DGKH: variants seen among roughly 807,000 people sequenced by gnomAD.
The protein encoded by DGKH is diacylglycerol kinase eta.
A neutral mutation model predicts 159.3 loss-of-function variants in DGKH; 90 were observed. The ratio of observed to expected loss-of-function variants is 0.57; its 90% CI spans 0.48 to 0.67. The LOEUF (loss-of-function observed/expected upper bound fraction) is 0.67, where lower values mean the gene tolerates loss of function less well. Among genes scored for constraint, DGKH ranks in the 30% least tolerant of loss-of-function variants. The pLI, the probability that DGKH is intolerant of heterozygous loss-of-function variation, is 0.00. For missense variants in DGKH, 1,181 were observed against 1,506.1 expected (o/e 0.78, Z 3.57); for synonymous variants, 536 against 553.8 (o/e 0.97, Z 0.45).
At chr13:42,245,705 C>A (rs1958575817), downstream of DGKH, among the ~76,000 whole-genome samples, 2 of 152,146 alleles carry the variant, frequency 1.3e-5, no homozygotes, top group South Asian at 4.1e-4. Context: ...CCTGCCTCAG[C>A]CTCCCAAGTA....
At chr13:42,123,562 A>C (rs1955115231) in intron 1 of DGKH, among the ~76,000 whole-genome samples, 1 of 152,046 alleles carries the variant, frequency 6.6e-6, no homozygotes, top group African/African-American at 2.4e-5. Flanking sequence ...AAAGTCACAG[A>C]CTGGGAAGAA....
chr13:42,191,400 C>T (rs1223661940), intron 16 of DGKH, among the ~76,000 whole-genome samples: 1 of 152,142 alleles, frequency 6.6e-6, no homozygotes, highest in African/African-American at 2.4e-5. Flanking sequence ...GTCCTATGCT[C>T]TGTACCTTGT....
rs1389735290 is a variant in DGKH, at chr13:42,234,464, T to G, written c.*5276T>G. 1 of 152,192 alleles carries G rather than the reference T, an allele frequency of 6.6e-6. No homozygotes were observed. The highest frequency in any genetic ancestry group is 1.5e-5 in the Non-Finnish European group (1 of 68,038). 9.4% of individuals were successfully genotyped at this position (152,192 alleles called of 1,614,324 possible). A position where few individuals can be genotyped will look rare whatever the true frequency, so the allele number is the denominator to read the frequency against. ...TATGGATATGAATTCTTTAAGGATG[T>G]AGCCCTTAATTAAGCTGTAAAAACA... On this transcript the variant is annotated 3_prime_UTR_variant, in exon 30 of 30. Coordinates refer to ENST00000337343, the MANE Select transcript of DGKH (RefSeq NM_178009.5).
intron 7 of DGKH, among the ~76,000 whole-genome samples, chr13:42,163,827 A>G (rs1163597980): frequency 1.3e-4 from 20 of 151,686 alleles, no homozygotes; most frequent in Non-Finnish European, 1.9e-4. Context: ...GTTCACTCTG[A>G]TGGTAGTTTC....
intron 1 of DGKH, among the ~76,000 whole-genome samples, chr13:42,097,551 CAG>C (rs748181588): frequency 7.9e-5 from 12 of 152,184 alleles, no homozygotes; most frequent in Admixed American, 4.6e-4. Flanking sequence ...GTTGTAGCCC[CAG>C]ATGCCGGCAA....
intron 1 of DGKH, among the ~76,000 whole-genome samples, chr13:42,042,713 G>C (rs1199228972): frequency 2.0e-5 from 3 of 152,134 alleles, no homozygotes. Flanking sequence ...AGAATGTCTT[G>C]TTTCGTATAT....
chr13:42,059,055 C>T (rs575962570), intron 1 of DGKH, among the ~76,000 whole-genome samples: 3 of 152,190 alleles, frequency 2.0e-5, no homozygotes, highest in East Asian at 1.9e-4. Flanking sequence ...CCAAATTGGA[C>T]GTAGTATTCC....
chr13:42,069,789 A>G (rs1227498127), intron 1 of DGKH: 3 of 1,081,212 alleles, frequency 2.8e-6, no homozygotes, highest in Non-Finnish European at 4.0e-6. Context: ...CCAGATCACA[A>G]TATTTGTTTT....
chr13:42,070,502 C>T, intron 1 of DGKH: 1 of 1,294,846 alleles, frequency 7.7e-7, no homozygotes, highest in Middle Eastern at 1.9e-4. Flanking sequence ...ACATGGAGAT[C>T]TGTACCATTT....
chr13:42,199,020 T>C (rs894706532), intron 18 of DGKH, among the ~76,000 whole-genome samples: 1 of 152,250 alleles, frequency 6.6e-6, no homozygotes, highest in African/African-American at 2.4e-5. Flanking sequence ...TTTCAAGATA[T>C]ACTTTCTTTT....
At chr13:42,131,135 T>C (rs1418288636) in intron 3 of DGKH, among the ~76,000 whole-genome samples, 4 of 152,064 alleles carry the variant, frequency 2.6e-5, no homozygotes, top group Non-Finnish European at 4.4e-5. Context: ...GGCTGTACTG[T>C]GAATGCAAAG....
chr13:42,149,566 A>G (rs1333212268), intron 3 of DGKH, among the ~76,000 whole-genome samples: 23 of 152,200 alleles, frequency 1.5e-4, no homozygotes, highest in Non-Finnish European at 7.3e-5. Flanking sequence ...GAATGAACGG[A>G]TGGATTCAAA....
chr13:42,053,713 G>A (rs776646336), intron 1 of DGKH, among the ~76,000 whole-genome samples: 1 of 151,554 alleles, frequency 6.6e-6, no homozygotes, highest in Non-Finnish European at 1.5e-5. Context: ...CCGCCTCCTG[G>A]GTTCAAGCAA....
At position 42,251,138 on chromosome 13, in the gene DGKH, A is replaced by C. The variant is rs538973884; in HGVS notation, n.4055-1271A>C. Reference sequence around the variant, plus strand: ...GCACAAATAAAAATTAAAAGTTAAAAACCGAGATTAGTGAAAAATTTATTG... The same window carrying C: ...GCACAAATAAAAATTAAAAGTTAAACACCGAGATTAGTGAAAAATTTATTG... On this transcript the variant is annotated intron_variant and non_coding_transcript_variant, in intron 29 of 30. Coordinates refer to the DGKH transcript ENST00000498255. 5.3e-5 allele frequency among the ~76,000 whole-genome samples: 8 copies of C among 152,328 alleles called. No individual in the cohort carries two copies. The East Asian group carries it at 1.5e-3, about 29-fold the overall frequency.
At position 42,048,771 on chromosome 13, in the gene DGKH, A is replaced by C; in HGVS notation, c.-3A>C. ...TGCTGTGTCCCCGCAGGAGTCGGAGAGGATGGCAGGGGCCGGAGGCCAGCA... is the reference window on the plus strand; with the variant it reads ...TGCTGTGTCCCCGCAGGAGTCGGAGCGGATGGCAGGGGCCGGAGGCCAGCA... On this transcript the variant is annotated 5_prime_UTR_variant, in exon 1 of 30. Coordinates refer to ENST00000337343, the MANE Select transcript of DGKH (RefSeq NM_178009.5). This position sits in a 1 kb window ranked among gnomAD's most constrained non-coding sequence, Gnocchi z 6.7. 1 of 1,287,608 alleles carries C rather than the reference A, an allele frequency of 7.8e-7. No individual in the cohort carries two copies. Among genetic ancestry groups the C allele is most frequent in the Non-Finnish European group, 9.9e-7 (1 of 1,012,096 alleles). The allele number at this position is 1,287,608 out of a possible 1,614,324, so 79.8% of individuals were successfully genotyped here. A position where few individuals can be genotyped will look rare whatever the true frequency, so the allele number is the denominator to read the frequency against.
At chr13:42,071,434 A>G (rs186594828) in intron 1 of DGKH, among the ~76,000 whole-genome samples, 85 of 152,366 alleles carry the variant, frequency 5.6e-4, no homozygotes, top group Middle Eastern at 3.4e-3. Flanking sequence ...TTACTCTGCT[A>G]AACGATTTAA....
intron 4 of DGKH, 91 bp from the exon 5 acceptor site, chr13:42,155,576 A>G: frequency 6.4e-7 from 1 of 1,572,882 alleles, no homozygotes; most frequent in Non-Finnish European, 8.6e-7. Context: ...GGATTTGAAA[A>G]TTTGACCATA....
chr13:42,058,190 T>G (rs989543583), intron 1 of DGKH, among the ~76,000 whole-genome samples: 1 of 152,192 alleles, frequency 6.6e-6, no homozygotes, highest in Non-Finnish European at 1.5e-5. Flanking sequence ...ATATATGTAG[T>G]AAGTCCTCAC....
intron 1 of DGKH, among the ~76,000 whole-genome samples, chr13:42,052,540 C>T (rs1196791809): frequency 6.6e-6 from 1 of 152,230 alleles, no homozygotes; most frequent in Admixed American, 6.5e-5. Context: ...CTTGTCATAT[C>T]TCTTCCCCCT....
Sources: allele counts gnomAD v4.1 joint callset (sites outside exome capture counted in the v4.1 genomes callset), GRCh38; gene constraint gnomAD v4.1.1; non-coding constraint Gnocchi (gnomAD v3.1); transcripts MANE v1.5; gene names NCBI Gene and HGNC (gene_info 2026-07-23, HGNC 2026-07-21).